The following NFKB1 variants were observed in gnomAD, a reference collection of about 807,000 sequenced individuals.
NFKB1 encodes nuclear factor kappa B subunit 1.
Under a neutral mutation model 105.1 loss-of-function variants are expected in NFKB1, and 9 were observed. That is an observed-to-expected ratio of 0.09 (90% CI 0.05 to 0.15). The LOEUF (loss-of-function observed/expected upper bound fraction) is 0.15. NFKB1 is among the 10% of genes least tolerant of loss of function. NFKB1 has a pLI of 1.00. For missense variants in NFKB1, 830 were observed against 1,203.7 expected (o/e 0.69, Z 4.59); for synonymous variants, 440 against 442.2 (o/e 1.00, Z 0.06).
intron 6 of NFKB1, among the ~76,000 whole-genome samples, chr4:102,574,264 C>G (rs1724629703): frequency 6.6e-6 from 1 of 151,822 alleles, no homozygotes; most frequent in Non-Finnish European, 1.5e-5. Context: ...GAAACCTTTA[C>G]TCTAGGGTTA....
At chr4:102,543,124 A>G (rs545539363) in intron 5 of NFKB1, among the ~76,000 whole-genome samples, 1 of 152,282 alleles carries the variant, frequency 6.6e-6, no homozygotes, top group Admixed American at 6.5e-5. Flanking sequence ...CTCAGCAAGG[A>G]GTGCCAGGGA....
rs571841268 is a variant in NFKB1, at chr4:102,577,327, CA to C, written c.571+289del. Among the ~76,000 whole-genome samples the C allele has an allele frequency of 5.3e-3, 814 of 152,266 alleles. 5 individuals are homozygous for C. The highest frequency in any genetic ancestry group is 8.7e-3 in the Non-Finnish European group (591 of 68,012). On this transcript the variant is annotated intron_variant, in intron 7 of 23. Coordinates refer to ENST00000226574, the MANE Select transcript of NFKB1 (RefSeq NM_003998.4). ...ATCTCTGCTCTCTGAATAACTGAGG[CA>C]TATTTATACCTTTGTATGTGTCTTC...
chr4:102,536,946 G>A (rs921190887), intron 4 of NFKB1, among the ~76,000 whole-genome samples: 37 of 152,286 alleles, frequency 2.4e-4, no homozygotes, highest in African/African-American at 7.2e-4. Context: ...GAAATACAGC[G>A]AAACCTCCCT....
chr4:102,512,764 C>T (rs947076044), intron 1 of NFKB1, among the ~76,000 whole-genome samples: 1 of 152,174 alleles, frequency 6.6e-6, no homozygotes, highest in East Asian at 1.9e-4. Flanking sequence ...AGGCCTTCGC[C>T]GTGATTATTT....
chr4:102,615,237 A>G (rs542457090), intron 23 of NFKB1, among the ~76,000 whole-genome samples: 36 of 152,330 alleles, frequency 2.4e-4, no homozygotes, highest in African/African-American at 8.7e-4. Flanking sequence ...GGTTTTAAAG[A>G]TAAAACTGTG....
At position 102,581,490 on chromosome 4, in the gene NFKB1, A is replaced by G. The variant is rs1218589765; in HGVS notation, c.835+851A>G. ...TTTAAAGTAAACACATATATACTTT[A>G]TCCAAAAAAATTTACAGGCCAGGCA... On this transcript the variant is annotated intron_variant, in intron 9 of 23. Coordinates refer to ENST00000226574, the MANE Select transcript of NFKB1 (RefSeq NM_003998.4). 2.0e-5 allele frequency among the ~76,000 whole-genome samples: 3 copies of G among 152,284 alleles called. No homozygotes were observed. In the East Asian group the frequency reaches 5.8e-4, roughly 29 times the overall value.
At position 102,608,932 on chromosome 4, in the gene NFKB1, C is replaced by G. The variant is rs190687676; in HGVS notation, c.2227+1181C>G. 9.3e-4 allele frequency among the ~76,000 whole-genome samples: 142 copies of G among 152,092 alleles called. 1 individual carries two copies. The Middle Eastern group carries it at 0.01, about 11-fold the overall frequency. ...CTTTGAGAGGCTGAGGTGGGAGGGT[C>G]ACTTGCACTAGGAGTGTGAGACCAA... On this transcript the variant is annotated intron_variant, in intron 19 of 23. Transcript: ENST00000226574.
intron 11 of NFKB1, among the ~76,000 whole-genome samples, chr4:102,587,225 C>T (rs1305551385): frequency 6.6e-6 from 1 of 152,128 alleles, no homozygotes; most frequent in African/African-American, 2.4e-5. Context: ...ATGCTTCTGC[C>T]TACACAAAAT....
intron 11 of NFKB1, among the ~76,000 whole-genome samples, chr4:102,585,974 C>T (rs922538413): frequency 6.6e-6 from 1 of 152,120 alleles, no homozygotes. Context: ...CTAAAGAGGG[C>T]TGTGAATGGC....
intron 6 of NFKB1, among the ~76,000 whole-genome samples, chr4:102,576,489 GA>G (rs1304494766): frequency 6.6e-6 from 1 of 152,142 alleles, no homozygotes; most frequent in Non-Finnish European, 1.5e-5. Flanking sequence ...AATAAGCTCT[GA>G]AAACCAAAAC....
intron 10 of NFKB1, among the ~76,000 whole-genome samples, chr4:102,583,240 C>T (rs565375065): frequency 9.9e-5 from 15 of 152,106 alleles, no homozygotes; most frequent in South Asian, 4.1e-4. Context: ...CCCACATTGG[C>T]CTCCCAAAAT....
At chr4:102,502,443 T>C (rs1739149455) in intron 1 of NFKB1, among the ~76,000 whole-genome samples, 1 of 139,528 alleles carries the variant, frequency 7.2e-6, no homozygotes, top group African/African-American at 2.8e-5. Flanking sequence ...AGTCACCTGC[T>C]ATAGGACTTG....
chr4:102,610,860 T>G (rs1397307167), intron 20 of NFKB1, among the ~76,000 whole-genome samples, 161 bp downstream of exon 20: 1 of 152,242 alleles, frequency 6.6e-6, no homozygotes, highest in Non-Finnish European at 1.5e-5. Flanking sequence ...TGAAAAACCC[T>G]ATCCATGAAA....
Position 102,513,966 on chromosome 4 carries a change from G to T in NFKB1, c.-7-11546G>T, listed in dbSNP as rs565755594. Among the ~76,000 whole-genome samples, 4 of 152,092 alleles carry T rather than the reference G, an allele frequency of 2.6e-5. No homozygotes were observed. In the South Asian group the frequency reaches 8.3e-4, roughly 32 times the overall value. ...AGGCAGGCAAATCATGAGGTCAGGA[G>T]ATCGAGACCATCCTGGCTCACACGG... On this transcript the variant is annotated intron_variant, in intron 1 of 23. Transcript: ENST00000226574.
At chr4:102,547,188 G>A (rs1722203911) in intron 5 of NFKB1, among the ~76,000 whole-genome samples, 1 of 152,056 alleles carries the variant, frequency 6.6e-6, no homozygotes, top group South Asian at 2.1e-4. Context: ...AAATAAGTTT[G>A]GAATAGAAAA....
intron 5 of NFKB1, among the ~76,000 whole-genome samples, chr4:102,563,943 C>T (rs549001640): frequency 2.0e-5 from 3 of 151,652 alleles, no homozygotes; most frequent in Non-Finnish European, 4.4e-5. Flanking sequence ...TGCCGCCTGC[C>T]GAATAGCTGG....
intron 20 of NFKB1, 63 bp downstream of exon 20, chr4:102,610,762 G>A: frequency 6.3e-7 from 1 of 1,576,230 alleles, no homozygotes; most frequent in Non-Finnish European, 8.7e-7. Context: ...AGGAATGTAA[G>A]AACAGATGGT....
chr4:102,549,025 A>G (rs1722359160), intron 5 of NFKB1, among the ~76,000 whole-genome samples: 1 of 152,162 alleles, frequency 6.6e-6, no homozygotes, highest in Admixed American at 6.5e-5. Flanking sequence ...GTTATAAGCC[A>G]GTAGCCCTAC....
chr4:102,610,270 G>T (rs1358470912), intron 19 of NFKB1, among the ~76,000 whole-genome samples: 2 of 152,224 alleles, frequency 1.3e-5, no homozygotes, highest in African/African-American at 2.4e-5. Context: ...TAAGATTAAA[G>T]ATGCACTATT....
Sources: allele counts gnomAD v4.1 joint callset (sites outside exome capture counted in the v4.1 genomes callset), GRCh38; gene constraint gnomAD v4.1.1; transcripts MANE v1.5; gene names NCBI Gene and HGNC (gene_info 2026-07-23, HGNC 2026-07-21).